The following STK24 variants were observed in gnomAD, a reference collection of about 807,000 sequenced individuals.
STK24 encodes the protein serine/threonine kinase 24.
In STK24, 21 loss-of-function variants were observed where a neutral mutation model predicts 55.6. The ratio of observed to expected loss-of-function variants is 0.38; its 90% CI spans 0.27 to 0.54. STK24 has a LOEUF of 0.54. Among genes scored for constraint, STK24 ranks in the 20% least tolerant of loss-of-function variants. The pLI is 0.79. For synonymous variants in STK24, 200 were observed against 215.2 expected, an observed-to-expected ratio of 0.93 and a Z score of 0.62; for missense variants, 383 against 538.4, an observed-to-expected ratio of 0.71 and a Z score of 2.86.
chr13:98,456,433 G>C (rs1301834676), intron 10 of STK24: 1 of 482,572 alleles, frequency 2.1e-6, no homozygotes. Flanking sequence ...TGGGGGTGTG[G>C]AGGACAGCCC....
chr13:98,461,124 T>C lies in STK24; in HGVS notation c.1053+650A>G, dbSNP rs9584852. Among the ~76,000 whole-genome samples, 1,438 of 152,064 alleles carry C rather than the reference T, an allele frequency of 9.5e-3. 32 individuals are homozygous for C. The highest frequency in any genetic ancestry group is 0.034 in the African/African-American group (1,398 of 41,460). On this transcript the variant is annotated intron_variant, in intron 8 of 10. Coordinates refer to ENST00000539966, the MANE Select transcript of STK24 (RefSeq NM_001032296.4). ...CCTGGAAATAGAAATCAGGTCAAGA[T>C]TGGCCATTCCAATGGCTGTCTAGGA... is the stretch of plus-strand genomic sequence containing the variant.
At chr13:98,540,880 G>T (rs1896868667) in intron 1 of STK24, among the ~76,000 whole-genome samples, 1 of 146,976 alleles carries the variant, frequency 6.8e-6, no homozygotes, top group African/African-American at 2.5e-5. Flanking sequence ...AATAACCAAA[G>T]AATTCTTAAC....
chr13:98,572,378 G>A (rs770138179), intron 1 of STK24, among the ~76,000 whole-genome samples: 18 of 152,130 alleles, frequency 1.2e-4, no homozygotes, highest in South Asian at 6.2e-4. Context: ...CCTTCCCCCA[G>A]GGTGCAGATG....
rs755966829 is a variant in STK24, at chr13:98,508,059, C to T, written c.273+11184G>A. 2.6e-4 allele frequency among the ~76,000 whole-genome samples: 40 copies of T among 152,164 alleles called. 1 individual carries two copies. The highest frequency in any genetic ancestry group is 5.1e-4 in the Non-Finnish European group (35 of 68,038). ...ATAAACTCAAAAATATAAAGAAACA[C>T]GTAGCCTGCAATGACGGTCCCAGCT... On this transcript the variant is annotated intron_variant, in intron 2 of 10. Coordinates refer to ENST00000539966, the MANE Select transcript of STK24 (RefSeq NM_001032296.4).
intron 1 of STK24, among the ~76,000 whole-genome samples, chr13:98,553,078 A>T (rs572656182): frequency 1.2e-4 from 18 of 152,230 alleles, no homozygotes; most frequent in South Asian, 4.2e-4. Context: ...GGGATGGGAA[A>T]TCTCTGCACC....
chr13:98,460,468 C>G (rs1333320019), intron 8 of STK24, 28 bp from the exon 9 acceptor site: 1 of 1,592,708 alleles, frequency 6.3e-7, no homozygotes, highest in South Asian at 1.1e-5. Context: ...AAAAGGTCAT[C>G]AGAAACAGTT....
chr13:98,530,036 A>G (rs147024764), intron 1 of STK24, among the ~76,000 whole-genome samples: 3 of 152,284 alleles, frequency 2.0e-5, no homozygotes, highest in African/African-American at 7.2e-5. Context: ...CAATTGCAGG[A>G]AAAATGACGG....
chr13:98,552,126 T>C (rs1566401372), intron 1 of STK24, among the ~76,000 whole-genome samples: 10 of 152,230 alleles, frequency 6.6e-5, no homozygotes. Flanking sequence ...ATCATGCTTC[T>C]GTATTGTCTA....
intron 1 of STK24, among the ~76,000 whole-genome samples, chr13:98,531,492 A>C (rs916734073): frequency 1.1e-4 from 17 of 152,008 alleles, no homozygotes; most frequent in African/African-American, 4.1e-4. Context: ...CATTTCCACT[A>C]TCAGGACAGC....
In STK24 at chr13:98,519,485, AG is replaced by A; in HGVS notation, c.43-13del. The A allele has an allele frequency of 6.2e-7, 1 of 1,610,058 alleles. No homozygotes were observed. The highest frequency in any genetic ancestry group is 8.5e-7 in the Non-Finnish European group (1 of 1,177,172). On this transcript the variant is annotated splice_polypyrimidine_tract_variant and intron_variant, in intron 1 of 10. Transcript: ENST00000539966. Reference sequence around the variant, plus strand: ...TCTGCCTTTAGGTTCTGTAGAGAGAAGGAAGAGAAAAGGGAAACTTTAGTCC... The same window carrying A: ...TCTGCCTTTAGGTTCTGTAGAGAGAAGAAGAGAAAAGGGAAACTTTAGTCC...
At chr13:98,546,998 G>A (rs540052754) in intron 1 of STK24, among the ~76,000 whole-genome samples, 3 of 152,160 alleles carry the variant, frequency 2.0e-5, no homozygotes, top group South Asian at 2.1e-4. Context: ...CGCAACCTCC[G>A]CTTCCCAGGT....
rs77299378 is a variant in STK24 at position 98,503,841 on chromosome 13, C to T, written c.273+15402G>A. On this transcript the variant is annotated intron_variant, in intron 2 of 10. Coordinates refer to ENST00000539966, the MANE Select transcript of STK24 (RefSeq NM_001032296.4). ...GGAAATGTTCAGAGATGTGACTGCC[C>T]CCAGGAACATGCCACGACTCCCACT... is the stretch of plus-strand genomic sequence containing the variant. Among the ~76,000 whole-genome samples, 77 of 152,236 alleles carry T rather than the reference C, an allele frequency of 5.1e-4. 2 individuals carry two copies. The highest frequency in any genetic ancestry group is 2.5e-3 in the East Asian group (13 of 5,184).
intron 1 of STK24, among the ~76,000 whole-genome samples, chr13:98,568,945 G>C (rs1363176442): frequency 6.6e-6 from 1 of 151,904 alleles, no homozygotes; most frequent in East Asian, 1.9e-4. Flanking sequence ...GTTTCAGAAA[G>C]AAAGAACACA....
chr13:98,482,810 C>T (rs1222612849), intron 2 of STK24, among the ~76,000 whole-genome samples: 1 of 152,214 alleles, frequency 6.6e-6, no homozygotes, highest in Non-Finnish European at 1.5e-5. Flanking sequence ...CTCCAGGTCC[C>T]TGTGAGTGGA....
In STK24 at chr13:98,576,182, C is replaced by T. The variant is rs1897886283; in HGVS notation, c.42+563G>A. On this transcript the variant is annotated intron_variant, in intron 1 of 10. Transcript: ENST00000539966. ...TGCACGGGGGCTCCGGGCAAAGCCA[C>T]TGCAAGTGGAACTCGCGGTTACCTT... 1.1e-5 allele frequency: 11 copies of T among 985,400 alleles called. No individual in the cohort carries two copies. The South Asian group carries it at 5.2e-4, about 46-fold the overall frequency. 61.0% of individuals were successfully genotyped at this position (985,400 alleles called of 1,614,324 possible).
At chr13:98,467,212 A>G (rs1163289166) in intron 5 of STK24, among the ~76,000 whole-genome samples, 1 of 152,190 alleles carries the variant, frequency 6.6e-6, no homozygotes, top group Admixed American at 6.5e-5. Context: ...TACCTATTGC[A>G]TGAATTTACT....
chr13:98,521,800 G>A (rs1896271720), intron 1 of STK24: 2 of 781,324 alleles, frequency 2.6e-6, no homozygotes, highest in Non-Finnish European at 4.8e-6. Flanking sequence ...ATGAGGTAGA[G>A]TGGCCCTCCT....
chr13:98,563,237 G>A (rs1299083896), intron 1 of STK24, among the ~76,000 whole-genome samples: 1 of 152,162 alleles, frequency 6.6e-6, no homozygotes, highest in African/African-American at 2.4e-5. Context: ...TCAATTTTGG[G>A]AGTGTGTACC....
chr13:98,525,918 C>T (rs545123647), intron 1 of STK24, among the ~76,000 whole-genome samples: 1 of 152,332 alleles, frequency 6.6e-6, no homozygotes, highest in East Asian at 1.9e-4. Context: ...TTCCAATTCC[C>T]TAAAATCCCC....
Sources: allele counts gnomAD v4.1 joint callset (sites outside exome capture counted in the v4.1 genomes callset), GRCh38; gene constraint gnomAD v4.1.1; transcripts MANE v1.5; gene names NCBI Gene and HGNC (gene_info 2026-07-23, HGNC 2026-07-21).